The following LRP1 variants were observed in gnomAD, a reference collection of about 807,000 sequenced individuals.
LRP1 encodes the protein prolow-density lipoprotein receptor-related protein 1.
A neutral mutation model predicts 541.5 loss-of-function variants in LRP1; 51 were observed. The ratio of observed to expected loss-of-function variants is 0.09; its 90% CI spans 0.08 to 0.12. The LOEUF (loss-of-function observed/expected upper bound fraction) is 0.12, where lower values mean the gene tolerates loss of function less well. Ranked by LOEUF, LRP1 falls within the 10% of genes least tolerant of loss-of-function variation. LRP1 has a pLI of 1.00. For synonymous variants in LRP1, 2,219 were observed against 2,470.8 expected (o/e 0.90, Z 3.02); for missense variants, 3,878 against 6,376.2 (o/e 0.61, Z 13.34).
intron 82 of LRP1, 52 bp downstream of exon 82, chr12:57,210,532 C>T (rs34235941): frequency 6.2e-5 from 93 of 1,491,144 alleles, no homozygotes; most frequent in East Asian, 3.7e-4. Flanking sequence ...GCCCCAGCCC[C>T]GCCACCCACC....
At position 57,194,441 on chromosome 12, in the gene LRP1, C is replaced by T. The variant is rs1255246023; in HGVS notation, c.8006C>T (p.Pro2669Leu). The stretch of plus-strand genomic sequence containing the variant: ...GAGCGGACCTCACTCTGCTACGCAC[C>T]CAGCTGGGTGTGTGATGGCGCCAAT... ...PCERTSLCYA[P>L]SWVCDGANDC... The change falls in exon 49 of 89, where the codon CCC (proline) becomes CTC (leucine). Residue 2669 changes from proline to leucine, a missense_variant. Physicochemically the swap from Pro to Leu is moderately conservative, Grantham distance 98 (BLOSUM62 -3). This residue lies in a region of LRP1 where 1,100 missense variants were observed against 1,827.4 expected (regional missense o/e 0.60). Coordinates refer to ENST00000243077, the MANE Select transcript of LRP1 (RefSeq NM_002332.3). 1 of 1,554,530 alleles carries T rather than the reference C, an allele frequency of 6.4e-7. No individual in the cohort carries two copies.
chr12:57,152,084 C>T (rs1194775905), intron 6 of LRP1, among the ~76,000 whole-genome samples: 1 of 152,120 alleles, frequency 6.6e-6, no homozygotes, highest in East Asian at 1.9e-4. Context: ...GATCTCTCTG[C>T]CTTCCTTCCC....
chr12:57,200,032 C>T lies in LRP1; in HGVS notation c.10014+7C>T. On this transcript the variant is annotated splice_region_variant and intron_variant, in intron 62 of 88. Transcript: ENST00000243077. ...CAACTGCACGGCTAGCCAGGTGAGG[C>T]TGTCCCCCAGACCCCATCACCAGTG... The T allele has an allele frequency of 6.3e-7, 1 of 1,590,664 alleles. No individual in the cohort carries two copies. The highest frequency in any genetic ancestry group is 1.1e-5 in the South Asian group (1 of 87,564).
At chr12:57,135,639 C>G (rs1186666535) in intron 1 of LRP1, among the ~76,000 whole-genome samples, 1 of 152,224 alleles carries the variant, frequency 6.6e-6, no homozygotes, top group African/African-American at 2.4e-5. Flanking sequence ...CTGGCCAGGC[C>G]CTCGGGAGAT....
chr12:57,159,853 G>T lies in LRP1; in HGVS notation c.1827G>T (p.Val609=). The change falls in exon 12 of 89, where the codon GTG becomes GTT. Residue 609 remains valine (V), a synonymous_variant. Coordinates refer to ENST00000243077, the MANE Select transcript of LRP1 (RefSeq NM_002332.3). ...DGIHNVEGVA[V]DWMGDNLYWT... Reference sequence around the variant, plus strand: ...TCCACAATGTGGAGGGTGTGGCCGTGGACTGGATGGGAGACAATCTGTACT... The same window carrying T: ...TCCACAATGTGGAGGGTGTGGCCGTTGACTGGATGGGAGACAATCTGTACT... The T allele has an allele frequency of 6.2e-7, 1 of 1,614,214 alleles. No individual in the cohort carries two copies. Among genetic ancestry groups the T allele is most frequent in the Non-Finnish European group, 8.5e-7 (1 of 1,180,040 alleles).
chr12:57,187,115 C>T (rs1482921537), intron 41 of LRP1, 152 bp from the exon 42 acceptor site: 1 of 710,206 alleles, frequency 1.4e-6, no homozygotes, highest in Non-Finnish European at 2.3e-6. Context: ...CCCTGGTGCC[C>T]CCGAGCCCTC....
rs369797396 is a variant in LRP1 at position 57,198,480 on chromosome 12, A to G, written c.9486A>G (p.Thr3162=). Residue 3162 remains threonine, a synonymous_variant, in exon 60 of 89, where the codon ACA becomes ACG. Transcript: ENST00000243077. The stretch of plus-strand genomic sequence containing the variant: ...CCATCGCCAGGTACCTGTACTGGAC[A>G]GACTGGGGTGACCATTCACTGATCG... The part of the protein sequence containing the change: ...VDVQNGYLYW[T]DWGDHSLIGR... 1 of 1,613,994 alleles carries G rather than the reference A, an allele frequency of 6.2e-7. No homozygotes were observed. Among genetic ancestry groups the G allele is most frequent in the African/African-American group, 1.3e-5 (1 of 74,958 alleles).
chr12:57,141,677 G>C (rs1212020793), intron 3 of LRP1, among the ~76,000 whole-genome samples, 166 bp downstream of exon 3: 1 of 152,244 alleles, frequency 6.6e-6, no homozygotes, highest in African/African-American at 2.4e-5. Flanking sequence ...CTTGGGCCTG[G>C]AGCTTGGTCA....
intron 6 of LRP1, among the ~76,000 whole-genome samples, chr12:57,150,305 C>T (rs1454916430): frequency 1.3e-5 from 2 of 149,142 alleles, no homozygotes; most frequent in Admixed American, 6.8e-5. Context: ...CATTCTTCTG[C>T]CTCAGGCTCC....
rs377122314 is a variant in LRP1, at chr12:57,193,925, C to T, written c.7831C>T (p.Arg2611Cys). 6 of 1,613,980 alleles carry T rather than the reference C, an allele frequency of 3.7e-6. No individual in the cohort carries two copies. The highest frequency in any genetic ancestry group is 1.7e-5 in the Admixed American group (1 of 60,006). ...NKTACGVGEFRCRDGTCIGNS... is the reference protein window; with the variant it reads ...NKTACGVGEFCCRDGTCIGNS... ...GACAGCCTGTGGTGTGGGCGAGTTCCGCTGCCGGGACGGGACCTGCATCGG... is the reference window on the plus strand; with the variant it reads ...GACAGCCTGTGGTGTGGGCGAGTTCTGCTGCCGGGACGGGACCTGCATCGG... The change falls in exon 48 of 89, where the codon CGC becomes TGC. Residue 2611 changes from arginine (R) to cysteine (C), a missense_variant. Arg to Cys is a radical substitution (Grantham distance 180). Around this residue, in one of 13 missense-constraint regions of LRP1, gnomAD observed 1,100 missense variants for 1,827.4 expected, o/e 0.60. Transcript: ENST00000243077.
At position 57,204,426 on chromosome 12, in the gene LRP1, G is replaced by A. The variant is rs1216096278; in HGVS notation, c.10968G>A (p.Leu3656=). 6.5e-7 allele frequency: 1 copy of A among 1,549,352 alleles called. No individual in the cohort carries two copies. Among genetic ancestry groups the A allele is most frequent in the South Asian group, 1.2e-5 (1 of 80,790 alleles). ...ACGTGVRTCP[L]DEFQCNNTLC... ...TGGCACCAGTGCGGACCTGCCCCCT[G>A]GACGAGTTCCAGTGCAACAACACCT... The change falls in exon 71 of 89, where the codon CTG becomes CTA. Residue 3656 remains leucine (L), a synonymous_variant. Coordinates refer to ENST00000243077, the MANE Select transcript of LRP1 (RefSeq NM_002332.3). The surrounding 1 kb of genome is among the most constrained non-coding windows in gnomAD (Gnocchi z 5.3).
chr12:57,198,142 G>T lies in LRP1; in HGVS notation c.9283-14G>T. 6.3e-7 allele frequency: 1 copy of T among 1,592,110 alleles called. No homozygotes were observed. Among genetic ancestry groups the T allele is most frequent in the South Asian group, 1.1e-5 (1 of 90,536 alleles). ...GGTCACCCAGAGCTCTCCCTCCCCT[G>T]CCCCTTCCTGCAGGTCCTACACCGT... On this transcript the variant is annotated splice_polypyrimidine_tract_variant and intron_variant, in intron 58 of 88. Coordinates refer to ENST00000243077, the MANE Select transcript of LRP1 (RefSeq NM_002332.3).
intron 34 of LRP1, among the ~76,000 whole-genome samples, chr12:57,182,324 A>G (rs1358180036): frequency 2.0e-5 from 3 of 152,092 alleles, no homozygotes; most frequent in African/African-American, 7.2e-5. Context: ...TAGCTTGGCC[A>G]ACATGGCAAA....
chr12:57,173,047 C>T lies in LRP1; in HGVS notation c.3164-121C>T. On this transcript the variant is annotated intron_variant, in intron 20 of 88. Coordinates refer to ENST00000243077, the MANE Select transcript of LRP1 (RefSeq NM_002332.3). This position sits in a 1 kb window ranked among gnomAD's most constrained non-coding sequence, Gnocchi z 4.7. Reference sequence around the variant, plus strand: ...GAGTGTCAGCAAAGCTTGGCAGACTCTCCAGGCCTGCCTCTGCTCATATCC... The same window carrying T: ...GAGTGTCAGCAAAGCTTGGCAGACTTTCCAGGCCTGCCTCTGCTCATATCC... The T allele has an allele frequency of 1.3e-6, 1 of 766,164 alleles. No individual in the cohort carries two copies. Among genetic ancestry groups the T allele is most frequent in the Non-Finnish European group, 2.1e-6 (1 of 486,222 alleles). 47.5% of individuals were successfully genotyped at this position (766,164 alleles called of 1,614,324 possible).
rs1592616846 is a variant in LRP1, at chr12:57,156,943, T to G, written c.1561+23T>G. On this transcript the variant is annotated intron_variant, in intron 10 of 88. Coordinates refer to ENST00000243077, the MANE Select transcript of LRP1 (RefSeq NM_002332.3). The surrounding 1 kb of genome is among the most constrained non-coding windows in gnomAD (Gnocchi z 5.2). ...AGAGTGAGTGACAGGGAAGGGGGTGTGTGCCCATTGGGAGGCTGCGGGAGG... is the reference window on the plus strand; with the variant it reads ...AGAGTGAGTGACAGGGAAGGGGGTGGGTGCCCATTGGGAGGCTGCGGGAGG... 1.3e-6 allele frequency: 2 copies of G among 1,547,274 alleles called. No individual in the cohort carries two copies. The highest frequency in any genetic ancestry group is 2.7e-5 in the African/African-American group (2 of 74,172).
rs1330845536 is a variant in LRP1 at position 57,162,991 on chromosome 12, G to T, written c.2530+8G>T. 4 of 1,596,076 alleles carry T rather than the reference G, an allele frequency of 2.5e-6. No homozygotes were observed. The highest frequency in any genetic ancestry group is 3.4e-6 in the Non-Finnish European group (4 of 1,174,504). ...ACGGCGTCACTTGCTTGGGTATGAG[G>T]TGCCTGGCTGGGTGGGAGTGGGAAG... On this transcript the variant is annotated splice_region_variant and intron_variant, in intron 15 of 88. Transcript: ENST00000243077. This position sits in a 1 kb window ranked among gnomAD's most constrained non-coding sequence, Gnocchi z 5.2.
chr12:57,172,352 G>A (rs1267126042), intron 20 of LRP1, among the ~76,000 whole-genome samples: 1 of 152,046 alleles, frequency 6.6e-6, no homozygotes, highest in Non-Finnish European at 1.5e-5. Flanking sequence ...TGTATTTTTA[G>A]TAGAGACAGG....
intron 44 of LRP1, among the ~76,000 whole-genome samples, chr12:57,192,269 C>G (rs939277092): frequency 2.0e-5 from 3 of 152,072 alleles, no homozygotes; most frequent in East Asian, 3.9e-4. Flanking sequence ...TGTACCCCTT[C>G]CCACCAAGGC....
Position 57,205,239 on chromosome 12 carries a change from C to T in LRP1, c.11325C>T (p.Asp3775=). 1 of 1,611,512 alleles carries T rather than the reference C, an allele frequency of 6.2e-7. No individual in the cohort carries two copies. Among genetic ancestry groups the T allele is most frequent in the East Asian group, 2.2e-5 (1 of 44,812 alleles). ...DDCGDGSDEE[D]CSIDPKLTSC... The stretch of plus-strand genomic sequence containing the variant: ...GCGGGGACGGCTCTGACGAGGAGGA[C>T]TGCAGCATCGGTGAGGCCCGGCAGC... The change falls in exon 73 of 89, where the codon GAC becomes GAT. Residue 3775 remains aspartate (D), a synonymous_variant. Transcript: ENST00000243077. The surrounding 1 kb of genome is among the most constrained non-coding windows in gnomAD (Gnocchi z 4.6).
Sources: allele counts gnomAD v4.1 joint callset (sites outside exome capture counted in the v4.1 genomes callset), GRCh38; gene constraint gnomAD v4.1.1; regional missense constraint gnomAD v4.1.1; non-coding constraint Gnocchi (gnomAD v3.1); transcripts MANE v1.5; gene names NCBI Gene and HGNC (gene_info 2026-07-23, HGNC 2026-07-21).